Variants in PIK3C2G observed in about 807,000 individuals in gnomAD.
PIK3C2G encodes the protein phosphatidylinositol-4-phosphate 3-kinase catalytic subunit type 2 gamma.
PIK3C2G carries 168 observed loss-of-function variants against 181.1 expected under a neutral mutation model. The ratio of observed to expected loss-of-function variants is 0.93; its 90% CI spans 0.82 to 1.05. The LOEUF (loss-of-function observed/expected upper bound fraction) is 1.05. Ranked by LOEUF, PIK3C2G falls within the 50% of genes least tolerant of loss-of-function variation. The pLI, the probability that PIK3C2G is intolerant of heterozygous loss-of-function variation, is 0.00. For synonymous variants in PIK3C2G, 573 were observed against 592.2 expected (o/e 0.97, Z 0.47); for missense variants, 1,869 against 1,732.8 (o/e 1.08, Z -1.40).
At chr12:18,624,615 A>T (rs971139595) in intron 31 of PIK3C2G, among the ~76,000 whole-genome samples, 1 of 151,596 alleles carries the variant, frequency 6.6e-6, no homozygotes, top group Non-Finnish European at 1.5e-5. Context: ...GCAAATTGGT[A>T]TTATTTCTTC....
At position 18,290,940 on chromosome 12, in the gene PIK3C2G, T is replaced by C. The variant is rs772150804; in HGVS notation, c.847T>C (p.Phe283Leu). The change falls in exon 4 of 33, where the codon TTT (phenylalanine) becomes CTT (leucine). Residue 283 changes from phenylalanine (F) to leucine (L), a missense_variant. Transcript: ENST00000538779. ...STTTAFPYQL[F>L]SKTKFNIHIF... is the part of the protein sequence containing the mutation. ...TACTACAGCATTTCCGTATCAGCTC[T>C]TTTCTAAGACCAAGTTTAATATACA... 1 of 1,589,114 alleles carries C rather than the reference T, an allele frequency of 6.3e-7. No homozygotes were observed. Among genetic ancestry groups the C allele is most frequent in the East Asian group, 2.2e-5 (1 of 44,664 alleles).
chr12:18,670,454 G>A, the PIK3C2G span, among the ~76,000 whole-genome samples: 1 of 151,880 alleles, frequency 6.6e-6, no homozygotes, highest in African/African-American at 2.4e-5. Context: ...GAGAGTTGAA[G>A]GGCCTACCCA....
downstream of PIK3C2G, among the ~76,000 whole-genome samples, chr12:18,650,184 T>C (rs904122843): frequency 2.6e-5 from 4 of 151,844 alleles, no homozygotes; most frequent in African/African-American, 9.7e-5. Context: ...GGGAAAATAT[T>C]AGGGTTCTTT....
intron 24 of PIK3C2G, among the ~76,000 whole-genome samples, chr12:18,505,823 A>G (rs1168867204): frequency 1.3e-5 from 2 of 152,222 alleles, no homozygotes; most frequent in East Asian, 1.9e-4. Flanking sequence ...ATAGCAAATC[A>G]TCACTGGTCT....
intron 24 of PIK3C2G, among the ~76,000 whole-genome samples, chr12:18,515,061 C>A (rs886672820): frequency 1.3e-5 from 2 of 151,984 alleles, no homozygotes; most frequent in Non-Finnish European, 2.9e-5. Context: ...GCAGCTGAAT[C>A]ATCCTTGCAT....
chr12:18,261,776 C>A (rs1215112813), intron 1 of PIK3C2G, among the ~76,000 whole-genome samples, 199 bp downstream of exon 1: 7 of 152,076 alleles, frequency 4.6e-5, no homozygotes, highest in Non-Finnish European at 1.0e-4. Flanking sequence ...AAATCTACAA[C>A]CAGAAGATAG....
At chr12:18,362,546 T>A (rs1941329046) in intron 11 of PIK3C2G, among the ~76,000 whole-genome samples, 1 of 152,174 alleles carries the variant, frequency 6.6e-6, no homozygotes, top group Non-Finnish European at 1.5e-5. Context: ...GGTCAGCATA[T>A]TTTTCTCTCC....
chr12:18,392,264 G>A lies in PIK3C2G; in HGVS notation c.2126+1012G>A, dbSNP rs184363770. Reference sequence around the variant, plus strand: ...AGAATCAAGGTTAAGTCAATAGAGAGTCCAAATCAACTGGGCAGATGGTAG... The same window carrying A: ...AGAATCAAGGTTAAGTCAATAGAGAATCCAAATCAACTGGGCAGATGGTAG... On this transcript the variant is annotated intron_variant, in intron 15 of 32. Transcript: ENST00000538779. Among the ~76,000 whole-genome samples, 9 of 152,208 alleles carry A rather than the reference G, an allele frequency of 5.9e-5. No individual in the cohort carries two copies. The East Asian group carries it at 1.7e-3, about 29-fold the overall frequency.
At chr12:18,519,939 A>G (rs892551115) in intron 24 of PIK3C2G, among the ~76,000 whole-genome samples, 1 of 146,214 alleles carries the variant, frequency 6.8e-6, no homozygotes, top group African/African-American at 2.5e-5. Context: ...TCTCTCCACT[A>G]TTATCCTATG....
At chr12:18,336,976 A>T (rs149347709) in intron 8 of PIK3C2G, among the ~76,000 whole-genome samples, 66 of 152,316 alleles carry the variant, frequency 4.3e-4, no homozygotes, top group African/African-American at 1.5e-3. Flanking sequence ...CCCTAGAATA[A>T]GGAGAATTAA....
the PIK3C2G span, among the ~76,000 whole-genome samples, chr12:18,705,852 C>T: frequency 1.3e-5 from 2 of 148,508 alleles, no homozygotes; most frequent in African/African-American, 4.9e-5. Flanking sequence ...GGTGACAGAG[C>T]AAGACTCCAT....
chr12:18,502,378 T>A (rs1250821742), intron 22 of PIK3C2G, among the ~76,000 whole-genome samples: 1 of 152,204 alleles, frequency 6.6e-6, no homozygotes, highest in Non-Finnish European at 1.5e-5. Context: ...GTTCATATAG[T>A]TATATTTGTG....
At chr12:18,499,280 G>T (rs1941243271) in intron 22 of PIK3C2G, among the ~76,000 whole-genome samples, 1 of 152,166 alleles carries the variant, frequency 6.6e-6, no homozygotes, top group African/African-American at 2.4e-5. Flanking sequence ...AAGAAAAATA[G>T]AGATCATTAA....
chr12:18,462,644 T>C (rs922065127), intron 18 of PIK3C2G, among the ~76,000 whole-genome samples: 4 of 152,192 alleles, frequency 2.6e-5, no homozygotes, highest in African/African-American at 9.6e-5. Flanking sequence ...TTGTTGTTGT[T>C]GTTAGGCTGC....
rs61755373 is a variant in PIK3C2G at position 18,282,492 on chromosome 12, T to C, written c.411T>C (p.Asp137=). Residue 137 remains aspartate, a synonymous_variant, in exon 2 of 33, where the codon GAT becomes GAC. Transcript: ENST00000538779. ...GSPIGKHHGA[D]DSRFSILAPS... is the part of the protein sequence containing the mutation. ...CCATAGGAAAACATCATGGTGCTGA[T>C]GATTCCAGATTCAGTATTTTAGCTC... 2,619 of 1,612,744 alleles carry C rather than the reference T, an allele frequency of 1.6e-3. 6 individuals are homozygous for C. Among genetic ancestry groups the C allele is most frequent in the Non-Finnish European group, 2.0e-3 (2,349 of 1,178,990 alleles).
At chr12:18,547,670 A>AAACAAAACAAAAAG (rs1944504796) in intron 26 of PIK3C2G, among the ~76,000 whole-genome samples, 12 of 152,090 alleles carry the variant, frequency 7.9e-5, no homozygotes, top group Admixed American at 2.0e-4. Flanking sequence ...AAAACAAAAA[A>AAACAAAACAAAAAG]AACCCTGCCT....
rs187809754 is a variant in PIK3C2G at position 18,504,709 on chromosome 12, T to C, written c.3154-583T>C. Among the ~76,000 whole-genome samples the C allele has an allele frequency of 1.3e-4, 20 of 152,278 alleles. No homozygotes were observed. In the East Asian group the frequency reaches 3.9e-3, roughly 29 times the overall value. ...CTCATTAGAGAAACATAAACACAAA[T>C]TGACTTAATGATAATCTGCTTCCAC... On this transcript the variant is annotated intron_variant, in intron 23 of 32. Transcript: ENST00000538779.
chr12:18,547,636 G>A (rs1944501124), intron 26 of PIK3C2G, among the ~76,000 whole-genome samples: 1 of 122,408 alleles, frequency 8.2e-6, no homozygotes, highest in Non-Finnish European at 1.8e-5. Context: ...TCCAGGAAGA[G>A]TTGTTGCAAA....
the PIK3C2G span, among the ~76,000 whole-genome samples, chr12:18,694,474 G>A: frequency 6.6e-6 from 1 of 152,022 alleles, no homozygotes; most frequent in African/African-American, 2.4e-5. Flanking sequence ...CATATGGGGG[G>A]AAGAATCCTG....
Sources: gnomAD v4.1 joint callset for allele counts (sites outside exome capture counted in the v4.1 genomes callset) on GRCh38, gnomAD v4.1.1 for gene constraint, MANE v1.5 for transcripts, NCBI Gene and HGNC (gene_info 2026-07-23, HGNC 2026-07-21) for gene names.